AXDND1: variants seen among roughly 807,000 people sequenced by gnomAD.
AXDND1 encodes the protein axonemal dynein light chain domain-containing protein 1.
Under a neutral mutation model 137.5 loss-of-function variants are expected in AXDND1, and 110 were observed. The observed-to-expected ratio is 0.80, with a 90% CI of 0.69 to 0.94. The LOEUF (loss-of-function observed/expected upper bound fraction) is 0.94, where lower values mean the gene tolerates loss of function less well. Ranked by LOEUF, AXDND1 falls within the 40% of genes least tolerant of loss-of-function variation. The pLI, the probability that AXDND1 is intolerant of heterozygous loss-of-function variation, is 0.00. For synonymous variants in AXDND1, 414 were observed against 399.7 expected (o/e 1.04, Z -0.43); for missense variants, 1,191 against 1,169.8 (o/e 1.02, Z -0.26).
At position 179,511,338 on chromosome 1, in the gene AXDND1, T is replaced by TGC. The variant is rs1553300870; in HGVS notation, c.2496+1935_2496+1936insGC. ...TACATAATATGATTTTATATATATATACACACACTACCACATATATATGGT... is the reference window on the plus strand; with the variant it reads ...TACATAATATGATTTTATATATATATGCACACACACTACCACATATATATGGT... On this transcript the variant is annotated intron_variant, in intron 21 of 25. Coordinates refer to ENST00000367618, the MANE Select transcript of AXDND1 (RefSeq NM_144696.6). 3.3e-5 allele frequency among the ~76,000 whole-genome samples: 5 copies of TGC among 150,150 alleles called. No individual in the cohort carries two copies. The Admixed American group carries it at 3.3e-4, about 10-fold the overall frequency.
rs995391213 is a variant in AXDND1 at position 179,379,340 on chromosome 1, G to T, written c.496-57G>T. On this transcript the variant is annotated intron_variant, in intron 5 of 25. Coordinates refer to ENST00000367618, the MANE Select transcript of AXDND1 (RefSeq NM_144696.6). ...GTTAGGAATTAGGATTTGTGCAAGTGAATTTTTTCTCTATTAATATATTCA... is the reference window on the plus strand; with the variant it reads ...GTTAGGAATTAGGATTTGTGCAAGTTAATTTTTTCTCTATTAATATATTCA... 3.9e-6 allele frequency: 6 copies of T among 1,549,400 alleles called. No individual in the cohort carries two copies. The African/African-American group carries it at 5.5e-5, about 14-fold the overall frequency.
intron 7 of AXDND1, 72 bp from the exon 8 acceptor site, chr1:179,383,370 A>G: frequency 1.8e-6 from 2 of 1,107,114 alleles, no homozygotes; most frequent in Non-Finnish European, 2.7e-6. Flanking sequence ...TACACATATT[A>G]TATTCTTTTT....
intron 16 of AXDND1, chr1:179,447,501 G>C: frequency 1.9e-6 from 1 of 525,886 alleles, no homozygotes; most frequent in Non-Finnish European, 3.3e-6. Context: ...AATAGGTATA[G>C]ATTCTACAGT....
In AXDND1 at chr1:179,534,911, G is replaced by A. The variant is rs754952987; in HGVS notation, c.2980G>A (p.Glu994Lys). 4 of 1,596,852 alleles carry A rather than the reference G, an allele frequency of 2.5e-6. No individual in the cohort carries two copies. Among genetic ancestry groups the A allele is most frequent in the Non-Finnish European group, 2.6e-6 (3 of 1,168,948 alleles). The change falls in exon 25 of 26, where the codon GAA becomes AAA. Residue 994 changes from glutamate to lysine, a missense_variant. By Grantham distance (56) the Glu-to-Lys change is moderately conservative. Coordinates refer to ENST00000367618, the MANE Select transcript of AXDND1 (RefSeq NM_144696.6). ...AGTAAAAGAAGAAGAAGAACAACAA[G>A]AAGAAGAAGAAGTCAGGTCAGCAGA... ...REVKEEEEQQ[E>K]EEEVRSAENS...
intron 20 of AXDND1, chr1:179,506,809 A>G (rs751027486): frequency 7.2e-6 from 7 of 978,084 alleles, no homozygotes; most frequent in Non-Finnish European, 8.5e-6. Flanking sequence ...CTTGGACCAC[A>G]ATAGGCTTTC....
intron 9 of AXDND1, among the ~76,000 whole-genome samples, chr1:179,389,525 C>T (rs1282795562): frequency 6.6e-6 from 1 of 152,140 alleles, no homozygotes; most frequent in Non-Finnish European, 1.5e-5. Context: ...AGTAGTCCTA[C>T]ACTTGCCCAC....
chr1:179,426,207 A>C (rs1002039825), intron 12 of AXDND1, among the ~76,000 whole-genome samples: 1 of 152,180 alleles, frequency 6.6e-6, no homozygotes, highest in Admixed American at 6.5e-5. Context: ...CTAGAAATAA[A>C]AGCAAATAAC....
chr1:179,430,286 A>G (rs1022589460), intron 13 of AXDND1, among the ~76,000 whole-genome samples, 166 bp from the exon 14 acceptor site: 2 of 152,146 alleles, frequency 1.3e-5, no homozygotes, highest in Non-Finnish European at 2.9e-5. Context: ...TGCCATGGAA[A>G]ATTCATCACC....
At chr1:179,551,330 G>A (rs1160977844) in intron 25 of AXDND1, 4 of 1,614,180 alleles carry the variant, frequency 2.5e-6, no homozygotes, top group Non-Finnish European at 3.4e-6. Context: ...AGGCTTCTCT[G>A]TGGACAGAGA....
At chr1:179,469,881 C>T (rs1015769856) in intron 17 of AXDND1, among the ~76,000 whole-genome samples, 1 of 152,172 alleles carries the variant, frequency 6.6e-6, no homozygotes, top group African/African-American at 2.4e-5. Context: ...GGTGTCATAG[C>T]TAAGAATTCT....
chr1:179,415,062 C>T (rs1346791570), intron 12 of AXDND1, among the ~76,000 whole-genome samples: 1 of 152,192 alleles, frequency 6.6e-6, no homozygotes, highest in African/African-American at 2.4e-5. Flanking sequence ...TAGATTTCGG[C>T]TGGGCGTGAT....
intron 25 of AXDND1, among the ~76,000 whole-genome samples, chr1:179,553,171 A>C (rs536973087): frequency 6.6e-6 from 1 of 152,348 alleles, no homozygotes; most frequent in South Asian, 2.1e-4. Flanking sequence ...TTATAACTAT[A>C]AAAATGCATA....
chr1:179,468,328 A>T, intron 16 of AXDND1, 115 bp from the exon 17 acceptor site: 1 of 707,294 alleles, frequency 1.4e-6, no homozygotes, highest in South Asian at 2.1e-5. Context: ...AAGCTGTAGG[A>T]TAATAAAAGA....
At chr1:179,379,954 G>A (rs1647969762) in intron 6 of AXDND1, among the ~76,000 whole-genome samples, 1 of 151,768 alleles carries the variant, frequency 6.6e-6, no homozygotes, top group Non-Finnish European at 1.5e-5. Context: ...ATACAATTAA[G>A]AAAGATACAA....
chr1:179,483,346 T>C, intron 18 of AXDND1, 125 bp downstream of exon 18: 1 of 528,626 alleles, frequency 1.9e-6, no homozygotes, highest in Admixed American at 3.8e-5. Flanking sequence ...GAAGCTTGTA[T>C]AATAATTTCT....
In AXDND1 at chr1:179,396,724, T is replaced by C. The variant is rs149238997; in HGVS notation, c.1109+1522T>C. Among the ~76,000 whole-genome samples the C allele has an allele frequency of 6.3e-3, 954 of 152,252 alleles. 11 individuals are homozygous for C. Among genetic ancestry groups the C allele is most frequent in the African/African-American group, 0.022 (911 of 41,552 alleles). ...TGAGATCTTCTCGTTATGATGCATA[T>C]AGAACAAATATTTCTGCACTATAAT... is the stretch of plus-strand genomic sequence containing the variant. On this transcript the variant is annotated intron_variant, in intron 11 of 25. Coordinates refer to ENST00000367618, the MANE Select transcript of AXDND1 (RefSeq NM_144696.6).
At chr1:179,410,417 G>A (rs1294876987) in intron 11 of AXDND1, among the ~76,000 whole-genome samples, 1 of 152,154 alleles carries the variant, frequency 6.6e-6, no homozygotes, top group Non-Finnish European at 1.5e-5. Context: ...TTGTAGAGAC[G>A]AGGTTTCACC....
chr1:179,525,641 C>T (rs1572171001), intron 22 of AXDND1, among the ~76,000 whole-genome samples, 194 bp downstream of exon 22: 1 of 152,094 alleles, frequency 6.6e-6, no homozygotes, highest in African/African-American at 2.4e-5. Flanking sequence ...GGACTACAGG[C>T]ATGCACCACC....
At chr1:179,369,422 G>C (rs926850016) in intron 3 of AXDND1, among the ~76,000 whole-genome samples, 1 of 152,166 alleles carries the variant, frequency 6.6e-6, no homozygotes, top group Non-Finnish European at 1.5e-5. Flanking sequence ...TTGGGAGGCT[G>C]AGGCAGGCAG....
Sources: gnomAD v4.1 joint callset for allele counts (sites outside exome capture counted in the v4.1 genomes callset) on GRCh38, gnomAD v4.1.1 for gene constraint, MANE v1.5 for transcripts, NCBI Gene and HGNC (gene_info 2026-07-23, HGNC 2026-07-21) for gene names.